HCN1: variants seen among roughly 807,000 people sequenced by gnomAD.
The protein encoded by HCN1 is potassium/sodium hyperpolarization-activated cyclic nucleotide-gated channel 1.
HCN1 carries 13 observed loss-of-function variants against 78.9 expected under a neutral mutation model. The observed-to-expected ratio is 0.16, with a 90% CI of 0.11 to 0.26. The LOEUF is 0.26. Among genes scored for constraint, HCN1 ranks in the 10% least tolerant of loss-of-function variants. The pLI is 1.00. For missense variants in HCN1, 810 were observed against 1,154.3 expected, an observed-to-expected ratio of 0.70 and a Z score of 4.32; for synonymous variants, 552 against 455.5, an observed-to-expected ratio of 1.21 and a Z score of -2.70.
At chr5:45,359,061 ATTTC>A (rs1414149891) in intron 4 of HCN1, among the ~76,000 whole-genome samples, 2 of 152,062 alleles carry the variant, frequency 1.3e-5, no homozygotes, top group African/African-American at 4.8e-5. Context: ...ATGATTGGGC[ATTTC>A]TTTGAGTTTT....
intron 2 of HCN1, among the ~76,000 whole-genome samples, chr5:45,521,128 G>A (rs1376192211): frequency 6.6e-6 from 1 of 151,830 alleles, no homozygotes; most frequent in Middle Eastern, 3.2e-3. Context: ...GACGAAAAGA[G>A]AGGTTCAGGA....
chr5:45,294,697 T>G (rs1287179373), intron 6 of HCN1, among the ~76,000 whole-genome samples: 2 of 152,054 alleles, frequency 1.3e-5, no homozygotes, highest in Non-Finnish European at 2.9e-5. Flanking sequence ...GGATAATATA[T>G]TTACAGTATG....
chr5:45,305,758 G>T (rs1745720505), intron 5 of HCN1, among the ~76,000 whole-genome samples: 1 of 149,112 alleles, frequency 6.7e-6, no homozygotes, highest in South Asian at 2.1e-4. Flanking sequence ...AGAAACAGAA[G>T]AAGGGAGGGA....
At chr5:45,290,068 A>G (rs777478416) in intron 6 of HCN1, among the ~76,000 whole-genome samples, 28 of 151,970 alleles carry the variant, frequency 1.8e-4, no homozygotes, top group Non-Finnish European at 2.9e-4. Context: ...TTTTTCCTGC[A>G]CTGTTCTTGT....
intron 2 of HCN1, among the ~76,000 whole-genome samples, chr5:45,626,942 A>G (rs1035067534): frequency 6.6e-6 from 1 of 151,764 alleles, no homozygotes; most frequent in Non-Finnish European, 1.5e-5. Flanking sequence ...ATATATATAC[A>G]CGCCATATAT....
chr5:45,280,913 C>T (rs546267749), intron 6 of HCN1, among the ~76,000 whole-genome samples: 1 of 151,660 alleles, frequency 6.6e-6, no homozygotes, highest in Non-Finnish European at 1.5e-5. Context: ...GTCTATTTTT[C>T]TTTTCCATTC....
intron 5 of HCN1, among the ~76,000 whole-genome samples, chr5:45,308,338 T>A (rs978105119): frequency 6.6e-6 from 1 of 152,034 alleles, no homozygotes; most frequent in Non-Finnish European, 1.5e-5. Flanking sequence ...CAATGAAAAA[T>A]GAATTAAGAA....
intron 2 of HCN1, among the ~76,000 whole-genome samples, chr5:45,611,484 C>G (rs1744836074): frequency 6.6e-6 from 1 of 151,804 alleles, no homozygotes; most frequent in Admixed American, 6.6e-5. Context: ...GTTGCTCAGG[C>G]TGGTCTTGAA....
chr5:45,355,238 A>G (rs1746986038), intron 4 of HCN1, among the ~76,000 whole-genome samples: 1 of 152,028 alleles, frequency 6.6e-6, no homozygotes, highest in South Asian at 2.1e-4. Context: ...TTGAAGTTTG[A>G]ATCTATATTA....
chr5:45,633,976 G>C (rs1425540647), intron 2 of HCN1, among the ~76,000 whole-genome samples: 1 of 151,824 alleles, frequency 6.6e-6, no homozygotes, highest in African/African-American at 2.4e-5. Context: ...AAATGAGAAG[G>C]GTGAAGGATT....
chr5:45,566,770 T>A (rs1337978515), intron 2 of HCN1, among the ~76,000 whole-genome samples: 2 of 152,212 alleles, frequency 1.3e-5, no homozygotes, highest in Non-Finnish European at 2.9e-5. Flanking sequence ...CCTTCTGCAC[T>A]CTGGGACGGG....
chr5:45,321,529 T>G (rs1746126292), intron 5 of HCN1, among the ~76,000 whole-genome samples: 1 of 151,882 alleles, frequency 6.6e-6, no homozygotes, highest in Non-Finnish European at 1.5e-5. Context: ...AGCTTTATAT[T>G]TTGCAATAGT....
At chr5:45,501,898 CTCT>C (rs747908478) in intron 2 of HCN1, among the ~76,000 whole-genome samples, 22 of 152,212 alleles carry the variant, frequency 1.4e-4, no homozygotes, top group Non-Finnish European at 2.6e-4. Flanking sequence ...TTTTATTAGA[CTCT>C]TCTTCTCCAT....
chr5:45,464,974 T>C (rs1741238585), intron 2 of HCN1, among the ~76,000 whole-genome samples: 1 of 152,290 alleles, frequency 6.6e-6, no homozygotes, highest in East Asian at 1.9e-4. Context: ...TAAGTGTGAC[T>C]TTATTCACCT....
rs574712248 is a variant in HCN1, at chr5:45,628,747, G to A, written c.849+16438C>T. Among the ~76,000 whole-genome samples the A allele has an allele frequency of 5.9e-5, 9 of 152,164 alleles. No individual in the cohort carries two copies. In the South Asian group the frequency reaches 1.2e-3, roughly 21 times the overall value. On this transcript the variant is annotated intron_variant, in intron 2 of 7. Transcript: ENST00000303230. The stretch of plus-strand genomic sequence containing the variant: ...TTCTAGCACCTTAGGAAGCCAAGGC[G>A]GTGGGTCACCTGTCAGGAGTTCGAG...
chr5:45,437,583 A>C (rs1740582184), intron 3 of HCN1, among the ~76,000 whole-genome samples: 1 of 152,178 alleles, frequency 6.6e-6, no homozygotes, highest in Non-Finnish European at 1.5e-5. Context: ...TGAGGTCACA[A>C]CTTTAAACTC....
rs114746399 is a variant in HCN1 at position 45,436,959 on chromosome 5, G to A, written c.1011+24887C>T. Among the ~76,000 whole-genome samples, 408 of 152,256 alleles carry A rather than the reference G, an allele frequency of 2.7e-3. 2 individuals carry two copies. Among genetic ancestry groups the A allele is most frequent in the African/African-American group, 9.1e-3 (378 of 41,548 alleles). The stretch of plus-strand genomic sequence containing the variant: ...AAATGAAAACTTGGATTAGAATCTA[G>A]TTTTCCTAATTATCTAGTACTCTAT... On this transcript the variant is annotated intron_variant, in intron 3 of 7. Transcript: ENST00000303230.
rs1745674094 is a variant in HCN1, at chr5:45,303,796, G to A, written c.1421C>T (p.Pro474Leu). ...FNCRKLVATM[P>L]LFANADPNFV... ...ATTAGGATCCGCATTAGCAAATAAAGGCATTGTAGCCACCAGTTTCCGACA... is the reference window on the plus strand; with the variant it reads ...ATTAGGATCCGCATTAGCAAATAAAAGCATTGTAGCCACCAGTTTCCGACA... Residue 474 changes from proline to leucine, a missense_variant, in exon 6 of 8, where the codon CCT becomes CTT. By Grantham distance (98) the Pro-to-Leu change is moderately conservative (BLOSUM62 -3). Coordinates refer to ENST00000303230, the MANE Select transcript of HCN1 (RefSeq NM_021072.4). 2 of 1,613,400 alleles carry A rather than the reference G, an allele frequency of 1.2e-6. No individual in the cohort carries two copies. The highest frequency in any genetic ancestry group is 1.1e-5 in the South Asian group (1 of 91,080).
chr5:45,615,345 G>A (rs181171430), intron 2 of HCN1, among the ~76,000 whole-genome samples: 129 of 152,108 alleles, frequency 8.5e-4, no homozygotes, highest in African/African-American at 3.0e-3. Context: ...ATTTTACGCA[G>A]ATGGCTATAG....
Sources: allele counts gnomAD v4.1 joint callset (sites outside exome capture counted in the v4.1 genomes callset), GRCh38; gene constraint gnomAD v4.1.1; transcripts MANE v1.5; gene names NCBI Gene and HGNC (gene_info 2026-07-23, HGNC 2026-07-21).